DGKI: variants seen among roughly 807,000 people sequenced by gnomAD.
DGKI encodes the protein DAG kinase iota.
Under a neutral mutation model 147.5 loss-of-function variants are expected in DGKI, and 55 were observed. The observed-to-expected ratio is 0.37, with a 90% confidence interval of 0.30 to 0.47. The LOEUF (loss-of-function observed/expected upper bound fraction) is 0.47. Among genes scored for constraint, DGKI ranks in the 20% least tolerant of loss-of-function variants. The pLI is 1.00. For synonymous variants in DGKI, 469 were observed against 477.1 expected (o/e 0.98, Z 0.22); for missense variants, 1,007 against 1,323.8 (o/e 0.76, Z 3.71).
intron 27 of DGKI, among the ~76,000 whole-genome samples, chr7:137,444,804 A>G (rs1813650347): frequency 6.6e-6 from 1 of 152,228 alleles, no homozygotes; most frequent in African/African-American, 2.4e-5. Context: ...GTTGACTACT[A>G]GTTGAAATAC....
intron 29 of DGKI, among the ~76,000 whole-genome samples, chr7:137,411,081 C>A (rs1812144778): frequency 1.3e-5 from 2 of 152,176 alleles, no homozygotes; most frequent in African/African-American, 4.8e-5. Flanking sequence ...ACAGATGCGC[C>A]TAAAAAAAGT....
intron 23 of DGKI, among the ~76,000 whole-genome samples, chr7:137,475,187 C>T (rs573019999): frequency 6.6e-6 from 1 of 152,134 alleles, no homozygotes; most frequent in Non-Finnish European, 1.5e-5. Flanking sequence ...TCCATAAATA[C>T]ATTTGCACTC....
At chr7:137,550,321 G>C (rs375673531) in intron 20 of DGKI, among the ~76,000 whole-genome samples, 1 of 152,046 alleles carries the variant, frequency 6.6e-6, no homozygotes, top group East Asian at 1.9e-4. Flanking sequence ...GATTACAGGC[G>C]CATGCCACCA....
At chr7:137,508,139 A>G (rs1816433008) in intron 21 of DGKI, among the ~76,000 whole-genome samples, 1 of 152,082 alleles carries the variant, frequency 6.6e-6, no homozygotes, top group Non-Finnish European at 1.5e-5. Context: ...GGTTTCCAAC[A>G]GAAGGTGAAG....
chr7:137,558,313 T>A (rs1470279038), intron 19 of DGKI, among the ~76,000 whole-genome samples: 1 of 152,208 alleles, frequency 6.6e-6, no homozygotes, highest in African/African-American at 2.4e-5. Flanking sequence ...GGAGTCTCAC[T>A]CTGTTGCCCA....
chr7:137,672,748 G>C (rs1473333315), intron 3 of DGKI, among the ~76,000 whole-genome samples: 2 of 136,104 alleles, frequency 1.5e-5, no homozygotes, highest in African/African-American at 5.5e-5. Context: ...TCTTCTCTGT[G>C]TGTGTGTCTC....
chr7:137,746,446 C>T (rs542570489), intron 1 of DGKI, among the ~76,000 whole-genome samples: 6 of 152,264 alleles, frequency 3.9e-5, no homozygotes, highest in South Asian at 4.2e-4. Context: ...TGTCAAGCGT[C>T]GCATTACATA....
chr7:137,759,530 C>T (rs908144744), intron 1 of DGKI, among the ~76,000 whole-genome samples: 32 of 151,960 alleles, frequency 2.1e-4, no homozygotes, highest in African/African-American at 7.0e-4. Context: ...TTAGTAGAGA[C>T]GGGGTTTCAC....
chr7:137,782,361 C>G (rs1385620699), intron 1 of DGKI, among the ~76,000 whole-genome samples: 3 of 152,278 alleles, frequency 2.0e-5, no homozygotes, highest in East Asian at 3.9e-4. Context: ...TATGACTCAG[C>G]AGAGGCAGCC....
intron 20 of DGKI, 133 bp from the exon 21 acceptor site, chr7:137,522,099 G>A: frequency 1.6e-6 from 1 of 619,898 alleles, no homozygotes; most frequent in South Asian, 2.2e-5. Context: ...AGAAAGGTGG[G>A]TTCCTTATCA....
chr7:137,830,953 T>C (rs1002285378), intron 1 of DGKI, among the ~76,000 whole-genome samples: 11 of 152,200 alleles, frequency 7.2e-5, no homozygotes, highest in African/African-American at 2.7e-4. Context: ...AGTTTTCTCA[T>C]CTGTACAATA....
chr7:137,522,005 G>C, intron 20 of DGKI, 39 bp from the exon 21 acceptor site: 1 of 1,491,126 alleles, frequency 6.7e-7, no homozygotes, highest in Non-Finnish European at 9.3e-7. Flanking sequence ...ACAAATGAGA[G>C]AGCGGAATTG....
At chr7:137,576,948 A>G (rs897670219) in intron 17 of DGKI, among the ~76,000 whole-genome samples, 7 of 152,188 alleles carry the variant, frequency 4.6e-5, no homozygotes, top group African/African-American at 1.7e-4. Flanking sequence ...ACGGTTGAAT[A>G]ACAGTTTTAT....
intron 27 of DGKI, among the ~76,000 whole-genome samples, chr7:137,455,667 A>G (rs1438176592): frequency 6.8e-6 from 1 of 147,644 alleles, no homozygotes; most frequent in African/African-American, 2.5e-5. Context: ...TGTGGTCTCC[A>G]TCTCCCTGAA....
At chr7:137,643,568 T>C (rs1821725012) in intron 6 of DGKI, among the ~76,000 whole-genome samples, 1 of 152,140 alleles carries the variant, frequency 6.6e-6, no homozygotes, top group Non-Finnish European at 1.5e-5. Context: ...GAGATGACTA[T>C]AATAGTGCAA....
rs1237348629 is a variant in DGKI at position 137,385,927 on chromosome 7, G to A, written c.*5293C>T. On this transcript the variant is annotated 3_prime_UTR_variant, in exon 33 of 33. Coordinates refer to ENST00000614521, the MANE Select transcript of DGKI (RefSeq NM_001321708.2). The stretch of plus-strand genomic sequence containing the variant: ...AGATGCCAGCTTCATGAAATCAAGA[G>A]TTTTGTCTATTACATTCATTGTTAT... 1 of 152,034 alleles carries A rather than the reference G, an allele frequency of 6.6e-6. No individual in the cohort carries two copies. The highest frequency in any genetic ancestry group is 2.4e-5 in the African/African-American group (1 of 41,408). The allele number at this position is 152,034 out of a possible 1,614,324, so 9.4% of individuals were successfully genotyped here. A position where few individuals can be genotyped will look rare whatever the true frequency, so the allele number is the denominator to read the frequency against.
At chr7:137,624,525 T>A (rs1450518401) in intron 6 of DGKI, among the ~76,000 whole-genome samples, 2 of 152,224 alleles carry the variant, frequency 1.3e-5, no homozygotes, top group African/African-American at 2.4e-5. Context: ...AATGGCATTT[T>A]TCAGCGCCCA....
intron 12 of DGKI, among the ~76,000 whole-genome samples, chr7:137,588,491 T>TG (rs1819487595): frequency 6.7e-6 from 1 of 150,294 alleles, no homozygotes; most frequent in Non-Finnish European, 1.5e-5. Flanking sequence ...TTTTTTTTTT[T>TG]TTTGAGATGG....
At chr7:137,514,479 C>T (rs1387033143) in intron 21 of DGKI, among the ~76,000 whole-genome samples, 1 of 152,158 alleles carries the variant, frequency 6.6e-6, no homozygotes, top group Non-Finnish European at 1.5e-5. Context: ...CTCTGAAACG[C>T]TGACAGCTAG....
Sources: gnomAD v4.1 joint callset for allele counts (sites outside exome capture counted in the v4.1 genomes callset) on GRCh38, gnomAD v4.1.1 for gene constraint, MANE v1.5 for transcripts, NCBI Gene and HGNC (gene_info 2026-07-23, HGNC 2026-07-21) for gene names.